MBOAT2: variants seen among roughly 807,000 people sequenced by gnomAD.
MBOAT2 encodes membrane-bound glycerophospholipid O-acyltransferase 2.
In MBOAT2, 28 loss-of-function variants were observed where a neutral mutation model predicts 63.4. The observed-to-expected ratio is 0.44, with a 90% CI of 0.33 to 0.61. The LOEUF (loss-of-function observed/expected upper bound fraction) is 0.61. MBOAT2 is among the 20% of genes least tolerant of loss of function. MBOAT2 has a pLI of 0.03. For synonymous variants in MBOAT2, 211 were observed against 215.6 expected (o/e 0.98, Z 0.19); for missense variants, 470 against 605.8 (o/e 0.78, Z 2.35).
intron 2 of MBOAT2, among the ~76,000 whole-genome samples, chr2:8,952,737 CCT>C (rs1491585200): frequency 6.8e-6 from 1 of 146,364 alleles, no homozygotes; most frequent in Non-Finnish European, 1.5e-5. Context: ...TATGTAACGC[CCT>C]TTTTTTTTTT....
intron 1 of MBOAT2, among the ~76,000 whole-genome samples, chr2:8,980,973 T>C (rs1021234968): frequency 7.2e-5 from 11 of 152,172 alleles, no homozygotes; most frequent in African/African-American, 2.7e-4. Context: ...AACAGATGCA[T>C]AAATAAAATG....
At position 8,974,918 on chromosome 2, in the gene MBOAT2, G is replaced by A. The variant is rs77142814; in HGVS notation, c.76-16276C>T. Among the ~76,000 whole-genome samples, 1,109 of 152,164 alleles carry A rather than the reference G, an allele frequency of 7.3e-3. 12 individuals are homozygous for A. The highest frequency in any genetic ancestry group is 0.02 in the South Asian group (98 of 4,808). On this transcript the variant is annotated intron_variant, in intron 1 of 12. Transcript: ENST00000305997. The stretch of plus-strand genomic sequence containing the variant: ...TTTCTAGGCCATTGCCACAGAAAAA[G>A]CACTTTTTCCAAGCATAATGTAAGC...
At chr2:8,918,160 T>C (rs749500346) in intron 3 of MBOAT2, among the ~76,000 whole-genome samples, 1 of 152,244 alleles carries the variant, frequency 6.6e-6, no homozygotes, top group Non-Finnish European at 1.5e-5. Flanking sequence ...CCAGTCTACA[T>C]GTTTGTCCAA....
chr2:8,875,127 G>C (rs1662617577), intron 7 of MBOAT2, among the ~76,000 whole-genome samples: 1 of 152,332 alleles, frequency 6.6e-6, no homozygotes, highest in African/African-American at 2.4e-5. Context: ...CCCAACAGAA[G>C]AGCCAGTGGG....
chr2:8,981,867 T>C (rs1449305370), intron 1 of MBOAT2, among the ~76,000 whole-genome samples: 1 of 152,216 alleles, frequency 6.6e-6, no homozygotes, highest in Non-Finnish European at 1.5e-5. Flanking sequence ...TCTGAAGATC[T>C]ATACCCAAAA....
intron 3 of MBOAT2, among the ~76,000 whole-genome samples, chr2:8,920,599 T>C (rs1366203258): frequency 6.6e-6 from 1 of 152,052 alleles, no homozygotes; most frequent in Non-Finnish European, 1.5e-5. Context: ...AGGAATTGCA[T>C]TAAATCTATA....
At chr2:8,876,298 C>T (rs1662693110) in intron 7 of MBOAT2, among the ~76,000 whole-genome samples, 1 of 152,214 alleles carries the variant, frequency 6.6e-6, no homozygotes, top group Admixed American at 6.5e-5. Context: ...TCCAGTTCTA[C>T]TGCCAACCTG....
chr2:8,958,722 C>G (rs1184620988), intron 1 of MBOAT2, 80 bp from the exon 2 acceptor site: 11 of 1,312,442 alleles, frequency 8.4e-6, no homozygotes, highest in Non-Finnish European at 9.1e-6. Flanking sequence ...ATTCTCAGGA[C>G]AAAAACACCA....
At chr2:8,894,222 C>T (rs1010500864) in intron 4 of MBOAT2, among the ~76,000 whole-genome samples, 1 of 152,208 alleles carries the variant, frequency 6.6e-6, no homozygotes. Flanking sequence ...GAACCTTGTA[C>T]CACACTGCTT....
intron 2 of MBOAT2, among the ~76,000 whole-genome samples, chr2:8,948,927 C>A (rs1470066761): frequency 6.6e-6 from 1 of 152,222 alleles, no homozygotes; most frequent in Non-Finnish European, 1.5e-5. Context: ...CTGCTTTCCA[C>A]AATGGCCGAA....
At chr2:8,904,127 C>T (rs371774890) in intron 4 of MBOAT2, among the ~76,000 whole-genome samples, 12 of 151,872 alleles carry the variant, frequency 7.9e-5, no homozygotes, top group Non-Finnish European at 1.3e-4. Context: ...CAGTTGTGCG[C>T]CACCACGTGG....
intron 3 of MBOAT2, among the ~76,000 whole-genome samples, chr2:8,910,061 G>C (rs1423950466): frequency 6.6e-6 from 1 of 152,192 alleles, no homozygotes; most frequent in African/African-American, 2.4e-5. Context: ...ATTAACCTGG[G>C]AGTTTCTACT....
At chr2:9,000,192 T>A (rs183330008) in intron 1 of MBOAT2, among the ~76,000 whole-genome samples, 1 of 152,364 alleles carries the variant, frequency 6.6e-6, no homozygotes, top group Admixed American at 6.5e-5. Context: ...ACATTGTTAA[T>A]TAGCACATAC....
intron 5 of MBOAT2, among the ~76,000 whole-genome samples, chr2:8,882,822 T>G (rs1663240364): frequency 6.6e-6 from 1 of 152,224 alleles, no homozygotes; most frequent in Admixed American, 6.5e-5. Context: ...ATGCTGGCAC[T>G]TTAAAAATTA....
At chr2:8,908,139 G>C (rs77199633) in intron 4 of MBOAT2, 1 of 152,342 alleles carries the variant, frequency 6.6e-6, no homozygotes, top group Non-Finnish European at 1.5e-5. Context: ...AAGTTACTTC[G>C]TAAGAGCTTG....
chr2:8,888,191 T>C (rs939455250), intron 4 of MBOAT2, 118 bp from the exon 5 acceptor site: 10 of 906,878 alleles, frequency 1.1e-5, no homozygotes, highest in Admixed American at 4.9e-5. Flanking sequence ...ATTTTTAACA[T>C]AAAAAAGACC....
chr2:8,973,027 C>T (rs927266055), intron 1 of MBOAT2, among the ~76,000 whole-genome samples: 1 of 152,020 alleles, frequency 6.6e-6, no homozygotes, highest in African/African-American at 2.4e-5. Context: ...GGGTATATAC[C>T]CAAAGGATTA....
chr2:8,892,494 C>T (rs1664075812), intron 4 of MBOAT2, among the ~76,000 whole-genome samples: 1 of 152,138 alleles, frequency 6.6e-6, no homozygotes, highest in Admixed American at 6.5e-5. Context: ...TTAATGAGCA[C>T]CTACGATGCA....
rs555357443 is a variant in MBOAT2 at position 8,967,212 on chromosome 2, C to T, written c.76-8570G>A. On this transcript the variant is annotated intron_variant, in intron 1 of 12. Transcript: ENST00000305997. ...AGTGTTTACGTATGAAGGGAGAGAA[C>T]GGGTTATAATAGTGACAGACAACAA... Among the ~76,000 whole-genome samples, 70 of 152,208 alleles carry T rather than the reference C, an allele frequency of 4.6e-4. 1 individual carries two copies. In the South Asian group the frequency reaches 6.6e-3, roughly 14 times the overall value.
Sources: allele counts gnomAD v4.1 joint callset (sites outside exome capture counted in the v4.1 genomes callset), GRCh38; gene constraint gnomAD v4.1.1; transcripts MANE v1.5; gene names NCBI Gene and HGNC (gene_info 2026-07-23, HGNC 2026-07-21).